The following WSCD1 variants were observed in gnomAD, a reference collection of about 807,000 sequenced individuals.
WSCD1 encodes the protein sialate:O-sulfotransferase 1.
A neutral mutation model predicts 60.4 loss-of-function variants in WSCD1; 41 were observed. That is an observed-to-expected ratio of 0.68 (90% CI 0.53 to 0.88). WSCD1 has a LOEUF of 0.88. Ranked by LOEUF, WSCD1 falls within the 40% of genes least tolerant of loss-of-function variation. WSCD1 has a pLI of 0.00. For missense variants in WSCD1, 784 were observed against 796.2 expected, an observed-to-expected ratio of 0.98 and a Z score of 0.18; for synonymous variants, 361 against 332.5, an observed-to-expected ratio of 1.09 and a Z score of -0.93.
intron 5 of WSCD1, among the ~76,000 whole-genome samples, chr17:6,103,994 A>G (rs758329398): frequency 6.6e-5 from 10 of 152,230 alleles, no homozygotes; most frequent in Admixed American, 3.9e-4. Flanking sequence ...AGTAATTTAT[A>G]AAGAAAAGAG....
At chr17:6,103,526 G>C (rs1382953884) in intron 5 of WSCD1, among the ~76,000 whole-genome samples, 3 of 152,196 alleles carry the variant, frequency 2.0e-5, no homozygotes, top group Admixed American at 2.0e-4. Flanking sequence ...TAGGTCTGCT[G>C]TCTGGGGCTC....
chr17:6,074,229 T>G (rs1908710909), intron 1 of WSCD1, among the ~76,000 whole-genome samples: 1 of 152,240 alleles, frequency 6.6e-6, no homozygotes, highest in African/African-American at 2.4e-5. Context: ...GTTCAAACTC[T>G]CAAGAGATTT....
chr17:6,087,249 G>T (rs1449456814), intron 2 of WSCD1, among the ~76,000 whole-genome samples: 1 of 152,200 alleles, frequency 6.6e-6, no homozygotes, highest in Non-Finnish European at 1.5e-5. Context: ...GGGTGGCAGG[G>T]CAGGGCTGTG....
At chr17:6,105,929 G>T (rs1911062917) in intron 5 of WSCD1, among the ~76,000 whole-genome samples, 1 of 152,184 alleles carries the variant, frequency 6.6e-6, no homozygotes, top group African/African-American at 2.4e-5. Context: ...TGCCTGTGGT[G>T]CAGTTAACCC....
chr17:6,120,278 C>T (rs376673104), intron 8 of WSCD1, 31 bp from the exon 9 acceptor site: 33 of 1,595,094 alleles, frequency 2.1e-5, no homozygotes, highest in East Asian at 1.3e-4. Flanking sequence ...GGCCAGCCCC[C>T]GACTCTGCAT....
rs1462970622 is a variant in WSCD1, at chr17:6,118,136, A to C, written c.1323A>C (p.Arg441Ser). The change falls in exon 8 of 9, where the codon AGA becomes AGC. Residue 441 changes from arginine to serine, a missense_variant. By Grantham distance (110) the Arg-to-Ser change is moderately radical. Coordinates refer to ENST00000317744, the MANE Select transcript of WSCD1 (RefSeq NM_015253.2). This position sits in a 1 kb window ranked among gnomAD's most constrained non-coding sequence, Gnocchi z 5.8. ...PYRSLVAEFNRKCAGHLGYAA... is the reference protein window; with the variant it reads ...PYRSLVAEFNSKCAGHLGYAA... ...GGTCCCTGGTGGCAGAATTCAACAG[A>C]AAATGTGCCGGGCACCTGGGATATG... 6.2e-7 allele frequency: 1 copy of C among 1,614,256 alleles called. No individual in the cohort carries two copies. Among genetic ancestry groups the C allele is most frequent in the East Asian group, 2.2e-5 (1 of 44,888 alleles).
intron 1 of WSCD1, among the ~76,000 whole-genome samples, chr17:6,073,132 G>A (rs1437186293): frequency 1.3e-5 from 2 of 152,254 alleles, no homozygotes; most frequent in Non-Finnish European, 2.9e-5. Flanking sequence ...CCCATAGCCC[G>A]AGTGCCCAGT....
At chr17:6,069,760 T>C (rs922990167), upstream of WSCD1, among the ~76,000 whole-genome samples, 22 of 147,564 alleles carry the variant, frequency 1.5e-4, no homozygotes, top group African/African-American at 5.6e-4. Context: ...TAGCTCTGCA[T>C]GGGACGGTGA....
intron 7 of WSCD1, among the ~76,000 whole-genome samples, chr17:6,117,513 A>G (rs1904359825): frequency 6.6e-6 from 1 of 152,200 alleles, no homozygotes; most frequent in Non-Finnish European, 1.5e-5. Flanking sequence ...ATGTGGAGAG[A>G]GCCCTGGCGC....
chr17:6,094,979 T>G, intron 4 of WSCD1, 123 bp from the exon 5 acceptor site: 1 of 1,446,218 alleles, frequency 6.9e-7, no homozygotes, highest in Non-Finnish European at 9.2e-7. Flanking sequence ...CCCTCCCTGA[T>G]TTGAACTCGC....
chr17:6,114,747 A>G (rs76921980), intron 7 of WSCD1, among the ~76,000 whole-genome samples: 1 of 152,018 alleles, frequency 6.6e-6, no homozygotes, highest in South Asian at 2.1e-4. Context: ...ATAGGTATGC[A>G]TGTGCCAAGG....
At chr17:6,093,452 G>T (rs1910187979) in intron 4 of WSCD1, among the ~76,000 whole-genome samples, 1 of 152,172 alleles carries the variant, frequency 6.6e-6, no homozygotes, top group East Asian at 1.9e-4. Context: ...GTCCCTCCCT[G>T]TGGCCCAGGG....
Position 6,120,994 on chromosome 17 carries a change from A to G in WSCD1, c.*333A>G, listed in dbSNP as rs981910425. 1 of 328,058 alleles carries G rather than the reference A, an allele frequency of 3.0e-6. No individual in the cohort carries two copies. Among genetic ancestry groups the G allele is most frequent in the Non-Finnish European group, 5.7e-6 (1 of 175,606 alleles). 20.3% of individuals were successfully genotyped at this position (328,058 alleles called of 1,614,324 possible). On this transcript the variant is annotated 3_prime_UTR_variant, in exon 9 of 9. Coordinates refer to ENST00000317744, the MANE Select transcript of WSCD1 (RefSeq NM_015253.2). ...TACAAATGCAGCCACGCACAGACGT[A>G]ACACACAGGTGCCAGGCCGTGTGCT...
intron 7 of WSCD1, among the ~76,000 whole-genome samples, chr17:6,111,399 G>C (rs1256050614): frequency 6.6e-6 from 1 of 152,124 alleles, no homozygotes; most frequent in Non-Finnish European, 1.5e-5. Flanking sequence ...AGTCACACAA[G>C]AAACATGAAA....
chr17:6,119,446 T>C (rs1567563145), intron 8 of WSCD1, among the ~76,000 whole-genome samples: 1 of 152,190 alleles, frequency 6.6e-6, no homozygotes, highest in Non-Finnish European at 1.5e-5. Context: ...TGAAATGAAG[T>C]TGGTCAGAAA....
intron 7 of WSCD1, among the ~76,000 whole-genome samples, chr17:6,117,773 T>A (rs946726849): frequency 6.6e-6 from 1 of 152,224 alleles, no homozygotes; most frequent in Non-Finnish European, 1.5e-5. Context: ...CTTTCCCCAC[T>A]GTTAGATAAC....
chr17:6,091,904 C>T (rs563925573), intron 4 of WSCD1, among the ~76,000 whole-genome samples: 1 of 152,246 alleles, frequency 6.6e-6, no homozygotes, highest in East Asian at 1.9e-4. Flanking sequence ...CGCCTGTAAT[C>T]CCAGCACTTT....
At position 6,101,256 on chromosome 17, in the gene WSCD1, C is replaced by A. The variant is rs1232424374; in HGVS notation, c.849+6033C>A. On this transcript the variant is annotated intron_variant, in intron 5 of 8. Coordinates refer to ENST00000317744, the MANE Select transcript of WSCD1 (RefSeq NM_015253.2). This position sits in a 1 kb window ranked among gnomAD's most constrained non-coding sequence, Gnocchi z 4.1. ...GGGAATGGTTAAATTATGCCACGGC[C>A]ATACAGTGGACTATAATACAACCAT... is the stretch of plus-strand genomic sequence containing the variant. Among the ~76,000 whole-genome samples, 1 of 152,136 alleles carries A rather than the reference C, an allele frequency of 6.6e-6. No individual in the cohort carries two copies.
At chr17:6,114,126 T>G (rs532891273) in intron 7 of WSCD1, among the ~76,000 whole-genome samples, 1 of 125,224 alleles carries the variant, frequency 8.0e-6, no homozygotes, top group Non-Finnish European at 1.6e-5. Flanking sequence ...TAAAATGTGG[T>G]ACATATACAC....
Sources: gnomAD v4.1 joint callset for allele counts (sites outside exome capture counted in the v4.1 genomes callset) on GRCh38, gnomAD v4.1.1 for gene constraint, Gnocchi (gnomAD v3.1) non-coding constraint, MANE v1.5 for transcripts, NCBI Gene and HGNC (gene_info 2026-07-23, HGNC 2026-07-21) for gene names.